CPQ: variants seen among roughly 807,000 people sequenced by gnomAD.
CPQ encodes Ser-Met dipeptidase.
CPQ carries 37 observed loss-of-function variants against 45.7 expected under a neutral mutation model. That is an observed-to-expected ratio of 0.81 (90% CI 0.62 to 1.07). The LOEUF is 1.07. Ranked by LOEUF, CPQ falls within the 50% of genes least tolerant of loss-of-function variation. The pLI is 0.00. For synonymous variants in CPQ, 186 were observed against 205.8 expected (o/e 0.90, Z 0.82); for missense variants, 537 against 572.9 (o/e 0.94, Z 0.64).
At chr8:96,759,314 T>A (rs1382412052) in intron 1 of CPQ, among the ~76,000 whole-genome samples, 1 of 152,154 alleles carries the variant, frequency 6.6e-6, no homozygotes, top group African/African-American at 2.4e-5. Context: ...GATTTTGGTA[T>A]TAAGAAAATG....
intron 1 of CPQ, among the ~76,000 whole-genome samples, chr8:96,671,248 A>T (rs933472564): frequency 2.6e-5 from 4 of 152,310 alleles, no homozygotes; most frequent in African/African-American, 9.6e-5. Context: ...CTTCGTTCTC[A>T]GCATTATGGT....
chr8:97,118,904 T>A (rs1412093524), intron 7 of CPQ, among the ~76,000 whole-genome samples: 3 of 152,232 alleles, frequency 2.0e-5, no homozygotes, highest in African/African-American at 7.2e-5. Context: ...CAGCCATGCT[T>A]GTTCATTTAC....
intron 4 of CPQ, among the ~76,000 whole-genome samples, chr8:96,897,152 T>G (rs1214783915): frequency 2.0e-5 from 3 of 152,206 alleles, no homozygotes; most frequent in Non-Finnish European, 2.9e-5. Context: ...TTTTTCAGAG[T>G]GCTGTAACCT....
At chr8:97,042,293 CTGA>C (rs1294191745) in intron 6 of CPQ, among the ~76,000 whole-genome samples, 1 of 151,994 alleles carries the variant, frequency 6.6e-6, no homozygotes, top group African/African-American at 2.4e-5. Flanking sequence ...GTAGTATTCT[CTGA>C]TGGTAGTTTG....
At chr8:96,935,945 T>C (rs1430984090) in intron 4 of CPQ, among the ~76,000 whole-genome samples, 1 of 150,142 alleles carries the variant, frequency 6.7e-6, no homozygotes, top group Admixed American at 6.7e-5. Context: ...TGTCTACCTC[T>C]TTTTTTTTTC....
At chr8:96,884,847 T>A (rs1812278436) in intron 4 of CPQ, among the ~76,000 whole-genome samples, 1 of 152,214 alleles carries the variant, frequency 6.6e-6, no homozygotes. Context: ...TGACACAACC[T>A]TGCTACTTTG....
intron 4 of CPQ, among the ~76,000 whole-genome samples, chr8:96,962,331 G>A (rs28575601): frequency 0.09 from 13,694 of 152,166 alleles, 1,287 homozygotes; most frequent in African/African-American, 0.24. Context: ...AAAGATGATG[G>A]TGAAAAGGAA....
chr8:96,879,881 T>A lies in CPQ; in HGVS notation c.725T>A (p.Met242Lys). 1 of 1,614,032 alleles carries A rather than the reference T, an allele frequency of 6.2e-7. No homozygotes were observed. The highest frequency in any genetic ancestry group is 8.5e-7 in the Non-Finnish European group (1 of 1,179,980). ...ACITVEDAEM[M>K]SRMASHGIKI... ...ATTACGGTGGAAGATGCAGAAATGA[T>A]GTCAAGAATGGCTTCTCATGGGATC... Residue 242 changes from methionine to lysine, a missense_variant, in exon 4 of 8, where the codon ATG becomes AAG. Transcript: ENST00000220763.
intron 2 of CPQ, among the ~76,000 whole-genome samples, chr8:96,786,816 ATCT>A (rs1810774531): frequency 6.6e-6 from 1 of 152,046 alleles, no homozygotes; most frequent in African/African-American, 2.4e-5. Flanking sequence ...CCATTTGTTT[ATCT>A]TCTTTGGAGA....
chr8:97,076,260 G>A (rs749661674), intron 7 of CPQ, among the ~76,000 whole-genome samples: 2 of 151,976 alleles, frequency 1.3e-5, no homozygotes, highest in Non-Finnish European at 2.9e-5. Flanking sequence ...ACCTGACGTC[G>A]TGATCCTCCT....
chr8:96,920,564 T>G (rs772762036), intron 4 of CPQ, among the ~76,000 whole-genome samples: 4 of 152,132 alleles, frequency 2.6e-5, no homozygotes, highest in Non-Finnish European at 4.4e-5. Flanking sequence ...TTAATTGGTG[T>G]TGTGGGTTGA....
chr8:97,007,078 C>G (rs764975342), intron 5 of CPQ, among the ~76,000 whole-genome samples: 1 of 152,166 alleles, frequency 6.6e-6, no homozygotes, highest in Non-Finnish European at 1.5e-5. Context: ...CACTACTGTT[C>G]CCAGTCTTGC....
chr8:97,074,015 G>C (rs956977723), intron 7 of CPQ, among the ~76,000 whole-genome samples: 11 of 152,212 alleles, frequency 7.2e-5, no homozygotes, highest in African/African-American at 2.6e-4. Context: ...AAACCACTGG[G>C]TATCTTGCCC....
chr8:97,016,053 T>A (rs1052040097), intron 5 of CPQ, among the ~76,000 whole-genome samples: 2 of 152,134 alleles, frequency 1.3e-5, no homozygotes, highest in African/African-American at 4.8e-5. Flanking sequence ...TTGCTATATA[T>A]TGTATTTATA....
intron 4 of CPQ, among the ~76,000 whole-genome samples, chr8:96,956,200 T>C (rs1336684514): frequency 6.6e-6 from 1 of 152,194 alleles, no homozygotes; most frequent in African/African-American, 2.4e-5. Context: ...TTATGGACTT[T>C]CAGTCTAAGC....
intron 4 of CPQ, among the ~76,000 whole-genome samples, chr8:96,903,988 CA>C (rs1226253977): frequency 6.6e-6 from 1 of 152,102 alleles, no homozygotes; most frequent in Non-Finnish European, 1.5e-5. Flanking sequence ...TTCTCAAGAC[CA>C]AAATACCACA....
At chr8:96,734,028 G>A (rs1809946503) in intron 1 of CPQ, among the ~76,000 whole-genome samples, 2 of 152,160 alleles carry the variant, frequency 1.3e-5, no homozygotes, top group African/African-American at 2.4e-5. Flanking sequence ...TGTCATATGT[G>A]GTTTTAAAGG....
intron 7 of CPQ, among the ~76,000 whole-genome samples, chr8:97,128,391 A>C (rs560013399): frequency 6.6e-5 from 10 of 152,266 alleles, no homozygotes; most frequent in Admixed American, 3.3e-4. Flanking sequence ...CTTTGCTTAA[A>C]ACTTTCTCCT....
intron 7 of CPQ, among the ~76,000 whole-genome samples, chr8:97,118,197 A>C (rs1811627851): frequency 6.6e-6 from 1 of 152,204 alleles, no homozygotes. Context: ...AAGTTGAAAG[A>C]ATGAACTACA....
Sources: gnomAD v4.1 joint callset for allele counts (sites outside exome capture counted in the v4.1 genomes callset) on GRCh38, gnomAD v4.1.1 for gene constraint, MANE v1.5 for transcripts, NCBI Gene and HGNC (gene_info 2026-07-23, HGNC 2026-07-21) for gene names.